The following CXCL13 variants were observed in gnomAD, a reference collection of about 807,000 sequenced individuals.
CXCL13 encodes C-X-C motif chemokine ligand 13.
CXCL13 carries 7 observed loss-of-function variants against 12.2 expected under a neutral mutation model. That is an observed-to-expected ratio of 0.57 (90% CI 0.33 to 1.07). The LOEUF (loss-of-function observed/expected upper bound fraction) is 1.07, where lower values mean the gene tolerates loss of function less well. Among genes scored for constraint, CXCL13 ranks in the 50% least tolerant of loss-of-function variants. CXCL13 has a pLI of 0.04. For missense variants in CXCL13, 113 were observed against 127.4 expected (o/e 0.89, Z 0.55); for synonymous variants, 47 against 42.4 (o/e 1.11, Z -0.42).
At chr4:77,537,213 C>T (rs1282353623) in intron 1 of CXCL13, among the ~76,000 whole-genome samples, 1 of 152,162 alleles carries the variant, frequency 6.6e-6, no homozygotes, top group African/African-American at 2.4e-5. Flanking sequence ...TATAAGAGTA[C>T]TACTGCAACC....
At chr4:77,566,771 A>T (rs1007310376) in intron 1 of CXCL13, among the ~76,000 whole-genome samples, 3 of 152,206 alleles carry the variant, frequency 2.0e-5, no homozygotes, top group Non-Finnish European at 2.9e-5. Context: ...AGTAAAACTT[A>T]TTAACCAATC....
At chr4:77,580,304 C>CTTTTT (rs1560531865) in intron 1 of CXCL13, among the ~76,000 whole-genome samples, 2 of 8,010 alleles carry the variant, frequency 2.5e-4, no homozygotes, top group Non-Finnish European at 5.8e-4. Context: ...GACAAGTTTT[C>CTTTTT]TTTCTTTTTT....
At chr4:77,543,764 A>G (rs917607588) in intron 1 of CXCL13, among the ~76,000 whole-genome samples, 2 of 152,054 alleles carry the variant, frequency 1.3e-5, no homozygotes, top group East Asian at 1.9e-4. Context: ...TTAAATTATT[A>G]TACTTTAATT....
At chr4:77,593,643 C>T (rs1726672834) in intron 1 of CXCL13, among the ~76,000 whole-genome samples, 2 of 152,176 alleles carry the variant, frequency 1.3e-5, no homozygotes, top group Non-Finnish European at 2.9e-5. Context: ...CCTGCATATC[C>T]CTTTTTATAG....
At chr4:77,549,452 T>C (rs933649080) in intron 1 of CXCL13, among the ~76,000 whole-genome samples, 25 of 152,232 alleles carry the variant, frequency 1.6e-4, no homozygotes, top group Admixed American at 7.2e-4. Flanking sequence ...TCTGTTCTGG[T>C]TTCTCCCCAT....
At chr4:77,527,203 C>A (rs1443004119) in intron 1 of CXCL13, among the ~76,000 whole-genome samples, 56 of 152,250 alleles carry the variant, frequency 3.7e-4, no homozygotes, top group South Asian at 1.7e-3. Context: ...TAGCACTGTA[C>A]ACCGATTGGA....
At chr4:77,533,468 C>T (rs966434002) in intron 1 of CXCL13, among the ~76,000 whole-genome samples, 1 of 152,180 alleles carries the variant, frequency 6.6e-6, no homozygotes, top group Non-Finnish European at 1.5e-5. Context: ...CCCAGTTAGG[C>T]TACTCAGGGG....
At chr4:77,543,551 C>T (rs1483688794) in intron 1 of CXCL13, among the ~76,000 whole-genome samples, 1 of 152,056 alleles carries the variant, frequency 6.6e-6, no homozygotes, top group Non-Finnish European at 1.5e-5. Flanking sequence ...TTCATTGTGT[C>T]TCTGTCCATC....
intron 1 of CXCL13, among the ~76,000 whole-genome samples, chr4:77,547,583 T>G (rs1361610995): frequency 6.6e-6 from 1 of 152,196 alleles, no homozygotes; most frequent in Non-Finnish European, 1.5e-5. Context: ...TTCCATTTTC[T>G]TGGTAGATCT....
chr4:77,609,911 A>T (rs1727104406), intron 2 of CXCL13, among the ~76,000 whole-genome samples: 2 of 152,254 alleles, frequency 1.3e-5, no homozygotes, highest in Non-Finnish European at 1.5e-5. Flanking sequence ...CTAAGTTATC[A>T]TCAGAAGGTA....
At chr4:77,574,156 T>C (rs1726154522) in intron 1 of CXCL13, among the ~76,000 whole-genome samples, 1 of 151,924 alleles carries the variant, frequency 6.6e-6, no homozygotes. Flanking sequence ...CTTTTTCTCT[T>C]CTTGGCTCTT....
At chr4:77,527,953 T>C (rs1235832212) in intron 1 of CXCL13, among the ~76,000 whole-genome samples, 2 of 151,454 alleles carry the variant, frequency 1.3e-5, no homozygotes, top group Non-Finnish European at 2.9e-5. Context: ...CAACAGGCCC[T>C]GGTGTGTGAT....
intron 1 of CXCL13, among the ~76,000 whole-genome samples, chr4:77,537,676 G>T (rs113380375): frequency 1.3e-5 from 2 of 152,160 alleles, no homozygotes; most frequent in African/African-American, 4.8e-5. Flanking sequence ...TTGTTTTACT[G>T]TGTTCCATGT....
At chr4:77,516,585 T>A (rs2110077863) in intron 1 of CXCL13, among the ~76,000 whole-genome samples, 1 of 152,342 alleles carries the variant, frequency 6.6e-6, no homozygotes, top group South Asian at 2.1e-4. Flanking sequence ...ATTTTCTAGT[T>A]TATTTGCATA....
chr4:77,564,826 G>A (rs1201477199), intron 1 of CXCL13, among the ~76,000 whole-genome samples: 3 of 152,190 alleles, frequency 2.0e-5, no homozygotes, highest in East Asian at 3.8e-4. Flanking sequence ...GACCCCAGTG[G>A]AGAAGTGAAA....
chr4:77,594,348 T>C (rs541053899), intron 1 of CXCL13, among the ~76,000 whole-genome samples: 206 of 152,278 alleles, frequency 1.4e-3, no homozygotes, highest in African/African-American at 4.6e-3. Context: ...AAGGTCCTGG[T>C]AGCACCACTT....
intron 1 of CXCL13, among the ~76,000 whole-genome samples, chr4:77,553,770 T>C (rs1725589853): frequency 6.6e-6 from 1 of 152,128 alleles, no homozygotes; most frequent in Admixed American, 6.6e-5. Context: ...TGTTTCCGAG[T>C]GGATGAGGCA....
intron 1 of CXCL13, among the ~76,000 whole-genome samples, chr4:77,529,129 T>A (rs1179183949): frequency 6.6e-6 from 1 of 152,222 alleles, no homozygotes; most frequent in Non-Finnish European, 1.5e-5. Context: ...TTCTATTCCA[T>A]TGGTCTATAT....
intron 1 of CXCL13, among the ~76,000 whole-genome samples, chr4:77,536,232 T>A (rs749958188): frequency 6.6e-6 from 1 of 152,310 alleles, no homozygotes; most frequent in Middle Eastern, 3.4e-3. Flanking sequence ...TCATTGACGA[T>A]GTAAAGTAGA....
Sources: gnomAD v4.1 joint callset for allele counts (sites outside exome capture counted in the v4.1 genomes callset) on GRCh38, gnomAD v4.1.1 for gene constraint, MANE v1.5 for transcripts, NCBI Gene and HGNC (gene_info 2026-07-23, HGNC 2026-07-21) for gene names.